EPSTI1: variants seen among roughly 807,000 people sequenced by gnomAD.
The protein encoded by EPSTI1 is epithelial stromal interaction 1, also known as epithelial-stromal interaction protein 1.
In EPSTI1, 66 loss-of-function variants were observed where a neutral mutation model predicts 49.9. The observed-to-expected ratio is 1.32, with a 90% CI of 1.08 to 1.62. The LOEUF is 1.62. EPSTI1 is among the 40% of genes most tolerant of loss of function. The probability of loss-of-function intolerance (pLI) is 0.00; values close to 1 mark genes in which losing one functional copy is unlikely to be tolerated. For synonymous variants in EPSTI1, 137 were observed against 130.7 expected (o/e 1.05, Z -0.33); for missense variants, 394 against 365.5 (o/e 1.08, Z -0.64).
chr13:42,970,549 C>T (rs1594750491), intron 2 of EPSTI1, 63 bp downstream of exon 2: 2 of 1,433,454 alleles, frequency 1.4e-6, no homozygotes, highest in East Asian at 2.3e-5. Flanking sequence ...TACTTCACAC[C>T]AAAACAAACC....
At chr13:42,959,976 C>T (rs2039396668) in intron 5 of EPSTI1, among the ~76,000 whole-genome samples, 1 of 152,022 alleles carries the variant, frequency 6.6e-6, no homozygotes, top group Non-Finnish European at 1.5e-5. Context: ...ACAACATTTA[C>T]ATCATATTAG....
In EPSTI1 at chr13:42,991,989, C is replaced by T. The variant is rs753692092; in HGVS notation, c.177G>A (p.Ala59=). 6.2e-7 allele frequency: 1 copy of T among 1,612,290 alleles called. No homozygotes were observed. Among genetic ancestry groups the T allele is most frequent in the Non-Finnish European group, 8.5e-7 (1 of 1,179,694 alleles). The change falls in exon 1 of 11, where the codon GCG becomes GCA. Residue 59 remains alanine (A), a synonymous_variant. Transcript: ENST00000313624. ...GTTAAAATACTCACCGCCTCTGGCCCGCGTGCACGACGCTCTCCCGCGAAG... is the reference window on the plus strand; with the variant it reads ...GTTAAAATACTCACCGCCTCTGGCCTGCGTGCACGACGCTCTCCCGCGAAG... The part of the protein sequence containing the change: ...KGPSRESVVH[A]GQRRTSAYTL...
At position 42,887,055 on chromosome 13, in the gene EPSTI1, G is replaced by A. The variant is rs2036885573; in HGVS notation, c.*1439C>T. The A allele has an allele frequency of 6.6e-6, 1 of 152,190 alleles. No individual in the cohort carries two copies. The highest frequency in any genetic ancestry group is 2.1e-4 in the South Asian group (1 of 4,832). The allele number at this position is 152,190 out of a possible 1,614,324, so 9.4% of individuals were successfully genotyped here. On this transcript the variant is annotated 3_prime_UTR_variant, in exon 11 of 11. Coordinates refer to ENST00000313624, the MANE Select transcript of EPSTI1 (RefSeq NM_033255.5). The stretch of plus-strand genomic sequence containing the variant: ...TGGCTGCACACCACCACACTAAAAT[G>A]TCTGCTACAGCCGCACATTTACAAT...
chr13:42,905,271 G>C (rs182525914), intron 8 of EPSTI1, among the ~76,000 whole-genome samples: 287 of 152,256 alleles, frequency 1.9e-3, no homozygotes, highest in Non-Finnish European at 3.5e-3. Context: ...AGCTGATGAG[G>C]CATCACCATG....
chr13:42,943,778 C>T (rs2153426247), intron 6 of EPSTI1, among the ~76,000 whole-genome samples: 1 of 152,252 alleles, frequency 6.6e-6, no homozygotes, highest in East Asian at 1.9e-4. Flanking sequence ...ATCCACCTGA[C>T]AAAGGGCTAA....
chr13:42,934,033 C>T (rs117247376), intron 6 of EPSTI1: 2,226 of 194,072 alleles, frequency 0.011, 16 homozygotes, highest in Non-Finnish European at 0.017. Context: ...TGCTTCACTA[C>T]CTCTTCCATA....
chr13:42,941,898 ATCC>A (rs2038764035), intron 6 of EPSTI1, among the ~76,000 whole-genome samples: 4 of 152,246 alleles, frequency 2.6e-5, no homozygotes, highest in African/African-American at 9.6e-5. Flanking sequence ...TGTTATTCAA[ATCC>A]TCCTTTCTTT....
intron 6 of EPSTI1, among the ~76,000 whole-genome samples, chr13:42,933,339 G>A (rs911507381): frequency 6.8e-5 from 10 of 146,906 alleles, no homozygotes; most frequent in African/African-American, 2.5e-4. Flanking sequence ...AAAAGAGTCT[G>A]CCTCATTTTC....
chr13:42,900,340 C>T lies in EPSTI1; in HGVS notation c.785G>A (p.Arg262Lys). The part of the protein sequence containing the change: ...ELKRQQQEQE[R>K]AKIHQTEHRR... ...GTGTTCAGTCTGGTGGATTTTGGCT[C>T]TTTCTTGCTCTTGCTGCTGCCGTTT... The change falls in exon 9 of 11, where the codon AGA becomes AAA. Residue 262 changes from arginine to lysine, a missense_variant. Transcript: ENST00000313624. The T allele has an allele frequency of 6.2e-7, 1 of 1,613,718 alleles. No homozygotes were observed. The highest frequency in any genetic ancestry group is 1.7e-5 in the Admixed American group (1 of 59,996).
intron 10 of EPSTI1, among the ~76,000 whole-genome samples, chr13:42,890,559 A>G (rs1669193380): frequency 1.3e-5 from 2 of 152,180 alleles, no homozygotes; most frequent in South Asian, 2.1e-4. Context: ...CGGCCTCCCA[A>G]TGTGGTGGGA....
At chr13:42,947,967 A>T (rs1174870013) in intron 6 of EPSTI1, among the ~76,000 whole-genome samples, 1 of 152,174 alleles carries the variant, frequency 6.6e-6, no homozygotes, top group African/African-American at 2.4e-5. Flanking sequence ...CAGAGTGGTC[A>T]CCCCAGGCCC....
rs183467613 is a variant in EPSTI1, at chr13:42,940,548, C to T, written c.563+13400G>A. ...AGTATAGTGCTTGACACACATTTAT[C>T]GGTGCTTATCAGTCTAGAGGATTTT... is the stretch of plus-strand genomic sequence containing the variant. On this transcript the variant is annotated intron_variant, in intron 6 of 10. Coordinates refer to ENST00000313624, the MANE Select transcript of EPSTI1 (RefSeq NM_033255.5). Among the ~76,000 whole-genome samples the T allele has an allele frequency of 8.6e-4, 131 of 152,264 alleles. 1 individual carries two copies. The highest frequency in any genetic ancestry group is 2.1e-4 in the Non-Finnish European group (14 of 68,022).
At chr13:42,919,704 A>G (rs1180563697) in intron 7 of EPSTI1, among the ~76,000 whole-genome samples, 1 of 152,242 alleles carries the variant, frequency 6.6e-6, no homozygotes, top group African/African-American at 2.4e-5. Flanking sequence ...ATTTAATTAA[A>G]CTAGATTGAG....
intron 5 of EPSTI1, among the ~76,000 whole-genome samples, chr13:42,958,854 T>A (rs967220999): frequency 6.6e-6 from 1 of 152,186 alleles, no homozygotes; most frequent in Non-Finnish European, 1.5e-5. Context: ...CTCAGAAATG[T>A]AGTGTGGCAA....
chr13:42,919,138 T>C (rs1484077794), intron 7 of EPSTI1, among the ~76,000 whole-genome samples: 5 of 152,184 alleles, frequency 3.3e-5, no homozygotes, highest in African/African-American at 1.2e-4. Context: ...TTGTTGTTCT[T>C]TTATTAGAAT....
chr13:42,892,206 T>C (rs1351761018), intron 10 of EPSTI1, among the ~76,000 whole-genome samples: 6 of 152,206 alleles, frequency 3.9e-5, no homozygotes, highest in Admixed American at 3.9e-4. Flanking sequence ...GGTAAGCTGC[T>C]GGAAGGACTT....
At chr13:42,911,357 G>A (rs1350860443) in intron 8 of EPSTI1, among the ~76,000 whole-genome samples, 1 of 152,002 alleles carries the variant, frequency 6.6e-6, no homozygotes, top group Non-Finnish European at 1.5e-5. Context: ...CTTCTAAAAT[G>A]TTTCATCTTT....
intron 8 of EPSTI1, among the ~76,000 whole-genome samples, chr13:42,903,410 T>C (rs900049166): frequency 6.6e-6 from 1 of 152,080 alleles, no homozygotes; most frequent in Non-Finnish European, 1.5e-5. Context: ...TGGGGCCTGT[T>C]GGAGTGGAGG....
At chr13:42,971,000 T>C (rs932208073) in intron 1 of EPSTI1, among the ~76,000 whole-genome samples, 2 of 152,214 alleles carry the variant, frequency 1.3e-5, no homozygotes, top group African/African-American at 4.8e-5. Context: ...TAGATTGGCA[T>C]TCTCTTCTGT....
Sources: allele counts gnomAD v4.1 joint callset (sites outside exome capture counted in the v4.1 genomes callset), GRCh38; gene constraint gnomAD v4.1.1; transcripts MANE v1.5; gene names NCBI Gene and HGNC (gene_info 2026-07-23, HGNC 2026-07-21).